Variants in ANKRD34B observed in about 807,000 individuals in gnomAD.
The protein encoded by ANKRD34B is ankyrin repeat domain 34B.
Under a neutral mutation model 4.4 loss-of-function variants are expected in ANKRD34B, and 2 were observed. The observed-to-expected ratio is 0.46, with a 90% confidence interval of 0.19 to 1.44. The LOEUF is 1.44. ANKRD34B is among the 40% of genes most tolerant of loss of function. The pLI is 0.26. For synonymous variants in ANKRD34B, 226 were observed against 227.1 expected, an observed-to-expected ratio of 0.99 and a Z score of 0.05; for missense variants, 558 against 604.7, an observed-to-expected ratio of 0.92 and a Z score of 0.81.
At position 80,557,798 on chromosome 5, in the gene ANKRD34B, AAAC is replaced by A. The variant is rs558213535; in HGVS notation, c.*674_*676del. The stretch of plus-strand genomic sequence containing the variant: ...CAAAGCAAAGCAAAACACAGTGCAC[AAAC>A]AACAAGACCCGGCATAGATTACTAG... On this transcript the variant is annotated 3_prime_UTR_variant, in exon 5 of 5. Transcript: ENST00000338682. 5.1e-4 allele frequency: 77 copies of A among 152,290 alleles called. No homozygotes were observed. Among genetic ancestry groups the A allele is most frequent in the African/African-American group, 1.6e-3 (65 of 41,576 alleles). The allele number at this position is 152,290 out of a possible 1,614,324, so 9.4% of individuals were successfully genotyped here. A position where few individuals can be genotyped will look rare whatever the true frequency, so the allele number is the denominator to read the frequency against.
Position 80,559,559 on chromosome 5 carries a change from GC to G in ANKRD34B, c.460del (p.Ala154GlnfsTer14). On this transcript the variant is annotated frameshift_variant, in exon 5 of 5. Coordinates refer to ENST00000338682, the MANE Select transcript of ANKRD34B (RefSeq NM_001004441.3). LOFTEE classifies it low-confidence loss of function (END_TRUNC). Reference protein sequence around the residue: ...KGKEVIIITTAKLPCGKHTTK... With the variant: ...KGKEVIIITTXKLPCGKHTTK... Reference sequence around the variant, plus strand: ...AGTATGCTTCCCACAGGGCAACTTTGCTGTTGTGATGATGATGACCTCTTTC... The same window carrying G: ...AGTATGCTTCCCACAGGGCAACTTTGTGTTGTGATGATGATGACCTCTTTC... 6.2e-7 allele frequency: 1 copy of G among 1,614,176 alleles called. No homozygotes were observed. Among genetic ancestry groups the G allele is most frequent in the Non-Finnish European group, 8.5e-7 (1 of 1,180,034 alleles).
chr5:80,557,629 G>C lies in ANKRD34B; in HGVS notation c.*846C>G, dbSNP rs911407589. 1 of 151,102 alleles carries C rather than the reference G, an allele frequency of 6.6e-6. No homozygotes were observed. Among genetic ancestry groups the C allele is most frequent in the African/African-American group, 2.4e-5 (1 of 41,072 alleles). 9.4% of individuals were successfully genotyped at this position (151,102 alleles called of 1,614,324 possible). On this transcript the variant is annotated 3_prime_UTR_variant, in exon 5 of 5. Transcript: ENST00000338682. ...TGCTTTTTAACTTTTATATCATCTT[G>C]TCTTTGGAAACTTATGGATAAGCTT...
At position 80,558,034 on chromosome 5, in the gene ANKRD34B, T is replaced by C. The variant is rs1746293580; in HGVS notation, c.*441A>G. Reference sequence around the variant, plus strand: ...TAGAACATTTTACAGCTGTCGGTGTTTTCTTTTATGGTTTAGAGATCATAA... The same window carrying C: ...TAGAACATTTTACAGCTGTCGGTGTCTTCTTTTATGGTTTAGAGATCATAA... On this transcript the variant is annotated 3_prime_UTR_variant, in exon 5 of 5. Transcript: ENST00000338682. 6.6e-6 allele frequency: 1 copy of C among 152,594 alleles called. No homozygotes were observed. 9.5% of individuals were successfully genotyped at this position (152,594 alleles called of 1,614,324 possible).
intron 4 of ANKRD34B, 85 bp downstream of exon 4, chr5:80,563,650 A>G (rs972637462): frequency 1.2e-4 from 18 of 152,354 alleles, no homozygotes; most frequent in African/African-American, 4.3e-4. Context: ...CAATATATAC[A>G]TACATAAATG....
chr5:80,558,833 A>C lies in ANKRD34B; in HGVS notation c.1187T>G (p.Ile396Ser). The C allele has an allele frequency of 6.2e-7, 1 of 1,613,966 alleles. No homozygotes were observed. The highest frequency in any genetic ancestry group is 1.7e-5 in the Admixed American group (1 of 59,988). The change falls in exon 5 of 5, where the codon ATC becomes AGC. Residue 396 changes from isoleucine to serine, a missense_variant. Ile to Ser is a moderately radical substitution (Grantham distance 142, BLOSUM62 -2). Transcript: ENST00000338682. Reference protein sequence around the residue: ...DGKALIGKKKILSPSPSQLSE... With the variant: ...DGKALIGKKKSLSPSPSQLSE... ...CAATTGGGAAGGAGATGGTGAGAGG[A>C]TCTTTTTCTTTCCTATAAGTGCTTT...
intron 1 of ANKRD34B, 140 bp downstream of exon 1, chr5:80,570,014 G>A (rs1746710781): frequency 6.6e-6 from 1 of 152,404 alleles, no homozygotes. Context: ...TCAGGGGCTT[G>A]CGCGCACCGG....
chr5:80,565,935 G>T (rs922378595), intron 3 of ANKRD34B, among the ~76,000 whole-genome samples: 1 of 152,034 alleles, frequency 6.6e-6, no homozygotes, highest in Non-Finnish European at 1.5e-5. Flanking sequence ...TAAACAGCTG[G>T]ATAAACTGCT....
intron 2 of ANKRD34B, among the ~76,000 whole-genome samples, 191 bp from the exon 3 acceptor site, chr5:80,566,965 T>A (rs1746586539): frequency 6.6e-6 from 1 of 152,186 alleles, no homozygotes; most frequent in Non-Finnish European, 1.5e-5. Context: ...CCCGTGTGTG[T>A]CTGCCTGCAG....
At chr5:80,568,072 A>G (rs1746630273) in intron 2 of ANKRD34B, among the ~76,000 whole-genome samples, 1 of 152,250 alleles carries the variant, frequency 6.6e-6, no homozygotes, top group South Asian at 2.1e-4. Context: ...CAGGCACTGC[A>G]TACAGGAATC....
chr5:80,561,004 A>G (rs1167852820), intron 4 of ANKRD34B, among the ~76,000 whole-genome samples: 3 of 152,234 alleles, frequency 2.0e-5, no homozygotes, highest in Admixed American at 2.0e-4. Context: ...TACTGACCAC[A>G]TAACGAGGTT....
chr5:80,564,529 G>C (rs1746502458), intron 3 of ANKRD34B: 1 of 152,184 alleles, frequency 6.6e-6, no homozygotes, highest in South Asian at 2.1e-4. Flanking sequence ...GTGGGCTCCA[G>C]GGTCTCAGAG....
At chr5:80,569,403 C>T (rs1018738903) in intron 1 of ANKRD34B, among the ~76,000 whole-genome samples, 8 of 152,162 alleles carry the variant, frequency 5.3e-5, no homozygotes, top group African/African-American at 1.9e-4. Context: ...TAAGGGGGTC[C>T]GGTATCCTGG....
rs1392066731 is a variant in ANKRD34B, at chr5:80,556,856, C to T, written c.*1619G>A. On this transcript the variant is annotated 3_prime_UTR_variant, in exon 5 of 5. Coordinates refer to ENST00000338682, the MANE Select transcript of ANKRD34B (RefSeq NM_001004441.3). ...ACAACTTGAAGTCAAGTACTTTTCT[C>T]GATATTTAACTTGCAGAAAGCATTT... 1 of 152,462 alleles carries T rather than the reference C, an allele frequency of 6.6e-6. No individual in the cohort carries two copies. Among genetic ancestry groups the T allele is most frequent in the Non-Finnish European group, 1.5e-5 (1 of 68,010 alleles). The allele number at this position is 152,462 out of a possible 1,614,324, so 9.4% of individuals were successfully genotyped here.
chr5:80,567,595 CG>C (rs1279947308), intron 2 of ANKRD34B, among the ~76,000 whole-genome samples: 1 of 107,880 alleles, frequency 9.3e-6, no homozygotes, highest in African/African-American at 3.4e-5. Flanking sequence ...CACTCCAGCC[CG>C]GGTGACAAAA....
intron 4 of ANKRD34B, among the ~76,000 whole-genome samples, chr5:80,562,201 C>T (rs1746424765): frequency 6.6e-6 from 1 of 152,014 alleles, no homozygotes; most frequent in Admixed American, 6.6e-5. Flanking sequence ...CCTACCCTGG[C>T]ATCACCACCA....
rs373116643 is a variant in ANKRD34B, at chr5:80,559,621, G to C, written c.399C>G (p.Thr133=). 5 of 1,613,982 alleles carry C rather than the reference G, an allele frequency of 3.1e-6. No individual in the cohort carries two copies. In the African/African-American group the frequency reaches 6.7e-5, roughly 22 times the overall value. ...TGCAAGCACTAAGAAGAACTTTCAG[G>C]GTCTCTGTATCTTCTGAATTTATAG... ...VYAINSEDTE[T]LKVLLSACKA... The change falls in exon 5 of 5, where the codon ACC becomes ACG. Residue 133 remains threonine (T), a synonymous_variant. Transcript: ENST00000338682.
chr5:80,562,752 A>T (rs1038379278), intron 4 of ANKRD34B, among the ~76,000 whole-genome samples: 1 of 152,230 alleles, frequency 6.6e-6, no homozygotes, highest in African/African-American at 2.4e-5. Context: ...GGTGTCAGAT[A>T]CTTTATTCTC....
chr5:80,561,465 A>G (rs949557854), intron 4 of ANKRD34B, among the ~76,000 whole-genome samples: 7 of 152,244 alleles, frequency 4.6e-5, no homozygotes, highest in Admixed American at 1.3e-4. Flanking sequence ...AGAGATGAAG[A>G]GAGCAGAAAG....
intron 4 of ANKRD34B, among the ~76,000 whole-genome samples, chr5:80,560,421 T>TGAAGCA (rs1314007760): frequency 6.6e-6 from 1 of 152,220 alleles, no homozygotes; most frequent in East Asian, 1.9e-4. Flanking sequence ...TTTGGGAGGT[T>TGAAGCA]GAAGCAGGAG....
Sources: gnomAD v4.1 joint callset for allele counts (sites outside exome capture counted in the v4.1 genomes callset) on GRCh38, gnomAD v4.1.1 for gene constraint, MANE v1.5 for transcripts, NCBI Gene and HGNC (gene_info 2026-07-23, HGNC 2026-07-21) for gene names.